BMP6: variants seen among roughly 807,000 people sequenced by gnomAD.
The protein encoded by BMP6 is VG-1-R.
BMP6 carries 17 observed loss-of-function variants against 54.1 expected under a neutral mutation model. That is an observed-to-expected ratio of 0.31 (90% CI 0.22 to 0.47). BMP6 has a LOEUF of 0.47. Among genes scored for constraint, BMP6 ranks in the 20% least tolerant of loss-of-function variants. BMP6 has a pLI of 1.00. For synonymous variants in BMP6, 328 were observed against 291.2 expected (o/e 1.13, Z -1.28); for missense variants, 720 against 690.4 (o/e 1.04, Z -0.48).
chr6:7,747,475 A>G (rs577654822), intron 1 of BMP6, among the ~76,000 whole-genome samples: 3 of 152,260 alleles, frequency 2.0e-5, no homozygotes, highest in Admixed American at 6.5e-5. Flanking sequence ...GGAAGCTGGG[A>G]AGGGCCCTGA....
chr6:7,875,343 A>G (rs1435665471), intron 4 of BMP6, among the ~76,000 whole-genome samples: 1 of 152,118 alleles, frequency 6.6e-6, no homozygotes, highest in East Asian at 1.9e-4. Flanking sequence ...TCAAATACTT[A>G]TTTCTTCCAG....
intron 1 of BMP6, among the ~76,000 whole-genome samples, chr6:7,833,982 C>G (rs1758831333): frequency 6.6e-6 from 1 of 152,132 alleles, no homozygotes; most frequent in African/African-American, 2.4e-5. Context: ...TCAGGACTCC[C>G]CTGTGGGAGT....
intron 1 of BMP6, among the ~76,000 whole-genome samples, chr6:7,756,475 C>T (rs1159850024): frequency 6.6e-6 from 1 of 152,056 alleles, no homozygotes; most frequent in Admixed American, 6.6e-5. Flanking sequence ...TCTGTTATTT[C>T]TGAGTCTGTT....
At chr6:7,840,102 G>A (rs944971475) in intron 1 of BMP6, among the ~76,000 whole-genome samples, 2 of 152,160 alleles carry the variant, frequency 1.3e-5, no homozygotes, top group Non-Finnish European at 2.9e-5. Flanking sequence ...ACAGGCAGAC[G>A]ACCCTCCACA....
chr6:7,766,171 A>G (rs1400980153), intron 1 of BMP6, among the ~76,000 whole-genome samples: 1 of 152,182 alleles, frequency 6.6e-6, no homozygotes, highest in African/African-American at 2.4e-5. Context: ...TTCTGCATTT[A>G]GTGTGTGCTT....
At chr6:7,755,045 CT>C (rs1261513903) in intron 1 of BMP6, among the ~76,000 whole-genome samples, 1 of 152,182 alleles carries the variant, frequency 6.6e-6, no homozygotes, top group Admixed American at 6.5e-5. Context: ...TAACTTTTAA[CT>C]TATCTGTGTC....
intron 1 of BMP6, among the ~76,000 whole-genome samples, chr6:7,788,412 C>T (rs1758048486): frequency 6.6e-6 from 1 of 152,154 alleles, no homozygotes; most frequent in Admixed American, 6.5e-5. Flanking sequence ...CTATTGTGTG[C>T]TGGTACACAA....
chr6:7,845,793 AT>A lies in BMP6; in HGVS notation c.857+473del, dbSNP rs75253096. 5.5e-3 allele frequency among the ~76,000 whole-genome samples: 797 copies of A among 145,446 alleles called. 10 individuals are homozygous for A. Among genetic ancestry groups the A allele is most frequent in the East Asian group, 5.6e-3 (28 of 5,020 alleles). On this transcript the variant is annotated intron_variant, in intron 2 of 6. Coordinates refer to ENST00000283147, the MANE Select transcript of BMP6 (RefSeq NM_001718.6). ...CTTTGAGTAAGCTTGTGTGTGATGT[AT>A]TTTTTTTTTTTATCACTTGGATACA...
intron 1 of BMP6, among the ~76,000 whole-genome samples, chr6:7,778,081 G>A (rs551476786): frequency 2.2e-4 from 33 of 152,200 alleles, no homozygotes; most frequent in African/African-American, 6.0e-4. Flanking sequence ...TGTGCCATTT[G>A]GAAATTATTT....
intron 1 of BMP6, among the ~76,000 whole-genome samples, chr6:7,816,780 C>T (rs1243133417): frequency 2.0e-5 from 3 of 150,076 alleles, no homozygotes; most frequent in Non-Finnish European, 4.4e-5. Context: ...GTCAGTTTTC[C>T]CTTGGAGGGA....
At chr6:7,769,212 A>T (rs1459148837) in intron 1 of BMP6, among the ~76,000 whole-genome samples, 2 of 152,236 alleles carry the variant, frequency 1.3e-5, no homozygotes, top group Admixed American at 6.5e-5. Context: ...GTTGGGAAGG[A>T]CAAAGTGGAA....
intron 2 of BMP6, among the ~76,000 whole-genome samples, chr6:7,861,175 A>C (rs920388092): frequency 2.3e-5 from 3 of 128,058 alleles, no homozygotes; most frequent in African/African-American, 3.0e-5. Flanking sequence ...CAGCACTAGC[A>C]AGATTTTTGG....
intron 1 of BMP6, among the ~76,000 whole-genome samples, chr6:7,740,283 C>G (rs762121953): frequency 1.3e-5 from 2 of 152,170 alleles, no homozygotes; most frequent in Non-Finnish European, 2.9e-5. Context: ...TATGACCCAT[C>G]TGTTCAGAGC....
intron 2 of BMP6, among the ~76,000 whole-genome samples, chr6:7,854,532 C>T (rs949541181): frequency 6.6e-6 from 1 of 152,236 alleles, no homozygotes; most frequent in African/African-American, 2.4e-5. Context: ...TGCAGTGGCT[C>T]ACGCCTGTGA....
chr6:7,726,896 G>C lies in BMP6; in HGVS notation c.-60G>C. The stretch of plus-strand genomic sequence containing the variant: ...CCAAGGGCCACAGCGGCCGCGCTCC[G>C]GCCTCGCTCCGCCGCTCCACGCCTC... On this transcript the variant is annotated 5_prime_UTR_variant, in exon 1 of 7. Transcript: ENST00000283147. 1 of 1,071,152 alleles carries C rather than the reference G, an allele frequency of 9.3e-7. No individual in the cohort carries two copies. 66.4% of individuals were successfully genotyped at this position (1,071,152 alleles called of 1,614,324 possible). A position where few individuals can be genotyped will look rare whatever the true frequency, so the allele number is the denominator to read the frequency against.
In BMP6 at chr6:7,815,773, C is replaced by T. The variant is rs142898992; in HGVS notation, c.665-29367C>T. ...GGAAGAAAATGGCTTAATTCATTCC[C>T]GTTATAATTAACAGTGGGCGTTTAA... On this transcript the variant is annotated intron_variant, in intron 1 of 6. Coordinates refer to ENST00000283147, the MANE Select transcript of BMP6 (RefSeq NM_001718.6). 3.0e-3 allele frequency among the ~76,000 whole-genome samples: 462 copies of T among 152,286 alleles called. 8 individuals are homozygous for T. The highest frequency in any genetic ancestry group is 0.014 in the Middle Eastern group (4 of 294).
At position 7,727,071 on chromosome 6, in the gene BMP6, C is replaced by A; in HGVS notation, c.116C>A (p.Ala39Asp). 8.1e-7 allele frequency: 1 copy of A among 1,234,458 alleles called. No individual in the cohort carries two copies. The highest frequency in any genetic ancestry group is 1.0e-6 in the Non-Finnish European group (1 of 988,478). 76.5% of individuals were successfully genotyped at this position (1,234,458 alleles called of 1,614,324 possible). A position where few individuals can be genotyped will look rare whatever the true frequency, so the allele number is the denominator to read the frequency against. Residue 39 changes from alanine to aspartate, a missense_variant, in exon 1 of 7, where the codon GCC (alanine) becomes GAC (aspartate). Ala to Asp is a moderately radical substitution (Grantham distance 126). Transcript: ENST00000283147. ...TTGCCCGCTGCCGCGGCCGCCGCCG[C>A]CGGGGGGCAGCTGCTGGGGGACGGC... ...PPLPAAAAAAAGGQLLGDGGS... is the reference protein window; with the variant it reads ...PPLPAAAAAADGGQLLGDGGS...
chr6:7,731,993 A>T (rs1761867888), intron 1 of BMP6, among the ~76,000 whole-genome samples: 1 of 152,226 alleles, frequency 6.6e-6, no homozygotes, highest in South Asian at 2.1e-4. Flanking sequence ...ACAAGCAGCA[A>T]GAAACTTGTG....
intron 1 of BMP6, among the ~76,000 whole-genome samples, chr6:7,829,786 C>T (rs1758765206): frequency 1.3e-5 from 2 of 152,160 alleles, no homozygotes; most frequent in African/African-American, 4.8e-5. Context: ...TTCTTTGCCT[C>T]CCGCCTCTTC....
Sources: allele counts gnomAD v4.1 joint callset (sites outside exome capture counted in the v4.1 genomes callset), GRCh38; gene constraint gnomAD v4.1.1; transcripts MANE v1.5; gene names NCBI Gene and HGNC (gene_info 2026-07-23, HGNC 2026-07-21).